The following OSBPL9 variants were observed in gnomAD, a reference collection of about 807,000 sequenced individuals.
OSBPL9 encodes the protein oxysterol binding protein like 9.
Under a neutral mutation model 106.6 loss-of-function variants are expected in OSBPL9, and 40 were observed. The ratio of observed to expected loss-of-function variants is 0.38; its 90% CI spans 0.29 to 0.49. The LOEUF is 0.49. Among genes scored for constraint, OSBPL9 ranks in the 20% least tolerant of loss-of-function variants. The probability of loss-of-function intolerance (pLI) is 0.97; values close to 1 mark genes in which losing one functional copy is unlikely to be tolerated. For synonymous variants in OSBPL9, 269 were observed against 295.4 expected, an observed-to-expected ratio of 0.91 and a Z score of 0.92; for missense variants, 609 against 887.2, an observed-to-expected ratio of 0.69 and a Z score of 3.98.
At chr1:51,558,251 G>A in the OSBPL9 span, among the ~76,000 whole-genome samples, 1 of 151,796 alleles carries the variant, frequency 6.6e-6, no homozygotes, top group Admixed American at 6.6e-5. Context: ...CTGCACTCCA[G>A]CCTGGGTGAC....
the OSBPL9 span, among the ~76,000 whole-genome samples, chr1:51,570,563 G>A: frequency 2.2e-4 from 34 of 152,296 alleles, no homozygotes; most frequent in Non-Finnish European, 7.4e-5. Flanking sequence ...AGATGACAGA[G>A]TCACAAATGA....
chr1:51,712,407 C>T (rs904135646), intron 3 of OSBPL9, among the ~76,000 whole-genome samples: 3 of 151,162 alleles, frequency 2.0e-5, no homozygotes, highest in East Asian at 1.9e-4. Context: ...AGAGGGAGAC[C>T]GTGGGGAGAG....
intron 15 of OSBPL9, among the ~76,000 whole-genome samples, chr1:51,779,880 A>G (rs1027791302): frequency 2.6e-5 from 4 of 152,160 alleles, no homozygotes; most frequent in African/African-American, 9.7e-5. Context: ...GAGTGAGACC[A>G]TCCTGGCTAA....
In OSBPL9 at chr1:51,704,477, G is replaced by A. The variant is rs376491522; in HGVS notation, c.242-9526G>A. On this transcript the variant is annotated intron_variant, in intron 3 of 23. Transcript: ENST00000428468. ...TGGTAGTTTGTATTTCTGTGGGATC[G>A]GTGGTGATTTTTCAAAGTTACTTCA... Among the ~76,000 whole-genome samples, 11 of 152,208 alleles carry A rather than the reference G, an allele frequency of 7.2e-5. No homozygotes were observed. In the South Asian group the frequency reaches 2.1e-3, roughly 29 times the overall value.
At chr1:51,546,641 G>A in the OSBPL9 span, among the ~76,000 whole-genome samples, 1 of 151,520 alleles carries the variant, frequency 6.6e-6, no homozygotes, top group African/African-American at 2.4e-5. Context: ...AGCTTGCAGT[G>A]AGCCGAGATC....
chr1:51,671,140 A>G (rs1325875407), intron 3 of OSBPL9, among the ~76,000 whole-genome samples: 1 of 152,232 alleles, frequency 6.6e-6, no homozygotes, highest in Non-Finnish European at 1.5e-5. Flanking sequence ...CTGTCAGAAT[A>G]ATTAGTTTAT....
intron 3 of OSBPL9, among the ~76,000 whole-genome samples, chr1:51,673,835 A>G (rs914227215): frequency 2.0e-5 from 3 of 151,974 alleles, no homozygotes; most frequent in African/African-American, 7.3e-5. Flanking sequence ...CACCTGGTGC[A>G]TAGCCACTGC....
the OSBPL9 span, among the ~76,000 whole-genome samples, chr1:51,555,909 A>AT: frequency 6.6e-6 from 1 of 152,286 alleles, no homozygotes; most frequent in East Asian, 1.9e-4. Flanking sequence ...ATAGTTCTCT[A>AT]TTTTTTTAAA....
the OSBPL9 span, chr1:51,518,571 C>CA: frequency 2.0e-5 from 3 of 152,768 alleles, no homozygotes. Context: ...AAGGGGCCGG[C>CA]AGAGTGGGTA....
the OSBPL9 span, among the ~76,000 whole-genome samples, chr1:51,528,534 A>T: frequency 6.6e-6 from 1 of 151,016 alleles, no homozygotes; most frequent in Non-Finnish European, 1.5e-5. Context: ...ACAGAGTGAG[A>T]CTCTGTCTCG....
At chr1:51,641,308 G>A (rs933912217) in intron 1 of OSBPL9, among the ~76,000 whole-genome samples, 5 of 152,126 alleles carry the variant, frequency 3.3e-5, no homozygotes, top group African/African-American at 1.2e-4. Flanking sequence ...TCCCATTCAT[G>A]AGGGCTCTGC....
intron 3 of OSBPL9, among the ~76,000 whole-genome samples, chr1:51,704,224 C>T (rs1657939741): frequency 6.6e-6 from 1 of 152,134 alleles, no homozygotes; most frequent in Non-Finnish European, 1.5e-5. Flanking sequence ...CCAGCTCCTC[C>T]TTGTACCTCT....
intron 4 of OSBPL9, among the ~76,000 whole-genome samples, chr1:51,723,952 C>G (rs1400718171): frequency 6.6e-6 from 1 of 151,932 alleles, no homozygotes; most frequent in African/African-American, 2.4e-5. Flanking sequence ...CTCTCTCAGT[C>G]CTTTATTTTA....
At chr1:51,648,021 G>A (rs956457799) in intron 1 of OSBPL9, among the ~76,000 whole-genome samples, 2 of 152,144 alleles carry the variant, frequency 1.3e-5, no homozygotes, top group African/African-American at 4.8e-5. Flanking sequence ...TTTCAGAGTG[G>A]TCCTTTTTTA....
intron 11 of OSBPL9, among the ~76,000 whole-genome samples, chr1:51,763,865 A>G (rs912512166): frequency 6.6e-6 from 1 of 152,172 alleles, no homozygotes; most frequent in Non-Finnish European, 1.5e-5. Context: ...TTTTGAAACA[A>G]CCAAAATTCC....
chr1:51,631,357 A>T (rs1027699414), intron 1 of OSBPL9, among the ~76,000 whole-genome samples: 1 of 152,148 alleles, frequency 6.6e-6, no homozygotes, highest in Non-Finnish European at 1.5e-5. Context: ...CCTGGGCAAC[A>T]TAGTGAGACC....
chr1:51,734,722 C>G (rs1156812527), intron 4 of OSBPL9, among the ~76,000 whole-genome samples: 1 of 152,158 alleles, frequency 6.6e-6, no homozygotes, highest in African/African-American at 2.4e-5. Flanking sequence ...GGCCACATAG[C>G]TAGAGAGTAA....
intron 2 of OSBPL9, among the ~76,000 whole-genome samples, chr1:51,654,178 T>A (rs1646685869): frequency 6.6e-6 from 1 of 152,200 alleles, no homozygotes; most frequent in Admixed American, 6.5e-5. Flanking sequence ...TTAGGTTTGA[T>A]CCCTTTGGCA....
chr1:51,536,065 A>G, the OSBPL9 span, among the ~76,000 whole-genome samples: 3 of 152,166 alleles, frequency 2.0e-5, no homozygotes, highest in East Asian at 5.8e-4. Context: ...TAAATATTTC[A>G]ATGTGTATTT....
Sources: gnomAD v4.1 joint callset for allele counts (sites outside exome capture counted in the v4.1 genomes callset) on GRCh38, gnomAD v4.1.1 for gene constraint, MANE v1.5 for transcripts, NCBI Gene and HGNC (gene_info 2026-07-23, HGNC 2026-07-21) for gene names.